The following RXRA variants were observed in gnomAD, a reference collection of about 807,000 sequenced individuals.
RXRA encodes retinoic acid receptor RXR-alpha.
Under a neutral mutation model 44.5 loss-of-function variants are expected in RXRA, and 5 were observed. The observed-to-expected ratio is 0.11, with a 90% CI of 0.06 to 0.24. The LOEUF (loss-of-function observed/expected upper bound fraction) is 0.24. Ranked by LOEUF, RXRA falls within the 10% of genes least tolerant of loss-of-function variation. The pLI, the probability that RXRA is intolerant of heterozygous loss-of-function variation, is 1.00. For synonymous variants in RXRA, 291 were observed against 271.4 expected, an observed-to-expected ratio of 1.07 and a Z score of -0.71; for missense variants, 412 against 646.5, an observed-to-expected ratio of 0.64 and a Z score of 3.93.
In RXRA at chr9:134,326,616, T is replaced by C; in HGVS notation, c.-16T>C. The C allele has an allele frequency of 1.1e-6, 1 of 944,588 alleles. No individual in the cohort carries two copies. The highest frequency in any genetic ancestry group is 1.2e-6 in the Non-Finnish European group (1 of 801,926). 58.5% of individuals were successfully genotyped at this position (944,588 alleles called of 1,614,324 possible). On this transcript the variant is annotated 5_prime_UTR_variant, in exon 1 of 10. It removes an upstream start codon present in the reference 5' UTR. Transcript: ENST00000481739. ...CGCTGCCTGCGCCGCCGGCCGGGCA[T>C]GAGTTAGTCGCAGACATGGACACCA...
chr9:134,411,587 A>G (rs544015925), intron 4 of RXRA, among the ~76,000 whole-genome samples: 104 of 152,332 alleles, frequency 6.8e-4, no homozygotes, highest in African/African-American at 2.5e-3. Flanking sequence ...TTGGCAGCGC[A>G]TAAGCCCTGG....
Position 134,417,111 on chromosome 9 carries a change from A to C in RXRA, c.611-47A>C. 1.3e-6 allele frequency: 2 copies of C among 1,571,122 alleles called. No individual in the cohort carries two copies. The highest frequency in any genetic ancestry group is 2.3e-5 in the South Asian group (2 of 87,892). On this transcript the variant is annotated intron_variant, in intron 4 of 9. Transcript: ENST00000481739. This position sits in a 1 kb window ranked among gnomAD's most constrained non-coding sequence, Gnocchi z 6.1. Reference sequence around the variant, plus strand: ...GCCAGGACAGCCTTCCCTGGGAGCCACTGGCCGGGCTGAGCGTGGGGCTCA... The same window carrying C: ...GCCAGGACAGCCTTCCCTGGGAGCCCCTGGCCGGGCTGAGCGTGGGGCTCA...
intron 1 of RXRA, among the ~76,000 whole-genome samples, chr9:134,358,818 A>T (rs1013134312): frequency 1.1e-4 from 17 of 152,126 alleles, no homozygotes; most frequent in African/African-American, 3.6e-4. Context: ...AGCCTGGCCT[A>T]TGTAAGTGCT....
rs1013468958 is a variant in RXRA at position 134,407,338 on chromosome 9, G to A, written c.280-811G>A. On this transcript the variant is annotated intron_variant, in intron 2 of 9. Coordinates refer to ENST00000481739, the MANE Select transcript of RXRA (RefSeq NM_002957.6). This position sits in a 1 kb window ranked among gnomAD's most constrained non-coding sequence, Gnocchi z 4.8. ...CAGAAGTGGAGGCTGGGGGCTGCCT[G>A]GCCAAGCGCTTACCGCCCTGCGCAG... 6.6e-6 allele frequency among the ~76,000 whole-genome samples: 1 copy of A among 152,234 alleles called. No homozygotes were observed. The highest frequency in any genetic ancestry group is 2.4e-5 in the African/African-American group (1 of 41,464).
chr9:134,366,782 C>T lies in RXRA; in HGVS notation c.29-34850C>T, dbSNP rs555210325. On this transcript the variant is annotated intron_variant, in intron 1 of 9. Coordinates refer to ENST00000481739, the MANE Select transcript of RXRA (RefSeq NM_002957.6). This position sits in a 1 kb window ranked among gnomAD's most constrained non-coding sequence, Gnocchi z 5.9. ...GAAGCCTGGCACCCCCCATGTTTCA[C>T]GTAGGCCACCCTAAGGTCCACAGAT... Among the ~76,000 whole-genome samples, 3 of 152,342 alleles carry T rather than the reference C, an allele frequency of 2.0e-5. No homozygotes were observed. Among genetic ancestry groups the T allele is most frequent in the South Asian group, 2.1e-4 (1 of 4,830 alleles).
chr9:134,328,295 A>G (rs1564255552), intron 1 of RXRA, among the ~76,000 whole-genome samples: 1 of 152,142 alleles, frequency 6.6e-6, no homozygotes, highest in Non-Finnish European at 1.5e-5. Context: ...TGAGAACCGA[A>G]CAGGTCCCTG....
intron 1 of RXRA, among the ~76,000 whole-genome samples, chr9:134,396,666 C>A (rs927031243): frequency 3.9e-5 from 6 of 152,162 alleles, no homozygotes; most frequent in Non-Finnish European, 7.4e-5. Flanking sequence ...GGCACCCTGC[C>A]TTTCCTTTGC....
chr9:134,432,241 G>A (rs1415014010), intron 8 of RXRA, among the ~76,000 whole-genome samples: 1 of 152,242 alleles, frequency 6.6e-6, no homozygotes, highest in Admixed American at 6.5e-5. Flanking sequence ...TGTCATGAGG[G>A]GCTTGGTGGT....
At chr9:134,360,574 G>A (rs1349009420) in intron 1 of RXRA, among the ~76,000 whole-genome samples, 3 of 152,268 alleles carry the variant, frequency 2.0e-5, no homozygotes, top group Non-Finnish European at 4.4e-5. Context: ...TGTGCAGGTC[G>A]CTCGCGGTTA....
chr9:134,362,715 CA>C (rs1830367094), intron 1 of RXRA, among the ~76,000 whole-genome samples: 1 of 152,214 alleles, frequency 6.6e-6, no homozygotes, highest in African/African-American at 2.4e-5. Flanking sequence ...TGAGGCCCAG[CA>C]AGGCCCCCAC....
chr9:134,417,560 AGGGGCCAGGGGCCC>A lies in RXRA; in HGVS notation c.780+240_780+253del, dbSNP rs1205008920. The stretch of plus-strand genomic sequence containing the variant: ...ACGAGTAGCCCATGGGGCAGGGGCC[AGGGGCCAGGGGCCC>A]GGGGCCTGGGGCCCTGCGGCCACAT... On this transcript the variant is annotated intron_variant, in intron 5 of 9. Transcript: ENST00000481739. The surrounding 1 kb of genome is among the most constrained non-coding windows in gnomAD (Gnocchi z 6.1). 6.6e-6 allele frequency among the ~76,000 whole-genome samples: 1 copy of A among 151,962 alleles called. No individual in the cohort carries two copies. Among genetic ancestry groups the A allele is most frequent in the Non-Finnish European group, 1.5e-5 (1 of 67,958 alleles).
intron 1 of RXRA, among the ~76,000 whole-genome samples, chr9:134,381,277 C>G (rs1168992744): frequency 6.6e-6 from 1 of 151,834 alleles, no homozygotes; most frequent in Non-Finnish European, 1.5e-5. Flanking sequence ...GGGGCTGGGT[C>G]CAGGGATGCA....
At chr9:134,334,745 C>G (rs560081669) in intron 1 of RXRA, among the ~76,000 whole-genome samples, 1 of 152,348 alleles carries the variant, frequency 6.6e-6, no homozygotes, top group South Asian at 2.1e-4. Context: ...GGGTGGCACC[C>G]TGGGGACCAG....
intron 1 of RXRA, among the ~76,000 whole-genome samples, chr9:134,344,054 C>T (rs544504951): frequency 1.2e-4 from 19 of 152,328 alleles, no homozygotes; most frequent in African/African-American, 4.1e-4. Context: ...CCTCTCAAAC[C>T]GTTGCCTCTG....
intron 1 of RXRA, among the ~76,000 whole-genome samples, chr9:134,358,242 T>A (rs1174093404): frequency 6.6e-6 from 1 of 152,232 alleles, no homozygotes; most frequent in Non-Finnish European, 1.5e-5. Flanking sequence ...TGGAGGGCTC[T>A]GGCTCACGAG....
intron 1 of RXRA, among the ~76,000 whole-genome samples, chr9:134,329,447 C>G (rs1311188567): frequency 6.6e-6 from 1 of 152,186 alleles, no homozygotes; most frequent in Non-Finnish European, 1.5e-5. Flanking sequence ...GAAAAATGGC[C>G]CAGTCCGATG....
intron 1 of RXRA, among the ~76,000 whole-genome samples, chr9:134,355,917 C>T (rs1020140604): frequency 8.5e-5 from 13 of 152,092 alleles, no homozygotes; most frequent in Non-Finnish European, 1.5e-4. Flanking sequence ...TCAGGGTCTG[C>T]GCCCAGGTGT....
At chr9:134,351,440 G>C (rs1475154298) in intron 1 of RXRA, among the ~76,000 whole-genome samples, 1 of 152,204 alleles carries the variant, frequency 6.6e-6, no homozygotes, top group Non-Finnish European at 1.5e-5. Context: ...TGTTCCTCCA[G>C]ACAGTCCTGA....
At chr9:134,357,495 C>T (rs1448446494) in intron 1 of RXRA, among the ~76,000 whole-genome samples, 6 of 152,014 alleles carry the variant, frequency 3.9e-5, no homozygotes, top group Non-Finnish European at 7.4e-5. Context: ...TGGTGAGGTC[C>T]GTATGTCTAC....
Sources: gnomAD v4.1 joint callset for allele counts (sites outside exome capture counted in the v4.1 genomes callset) on GRCh38, gnomAD v4.1.1 for gene constraint, Gnocchi (gnomAD v3.1) non-coding constraint, MANE v1.5 for transcripts, NCBI Gene and HGNC (gene_info 2026-07-23, HGNC 2026-07-21) for gene names.